The following SMAD5 variants were observed in gnomAD, a reference collection of about 807,000 sequenced individuals.
The protein encoded by SMAD5 is SMAD family member 5, also known as MAD, mothers against decapentaplegic homolog 5.
In SMAD5, 9 loss-of-function variants were observed where a neutral mutation model predicts 43.1. The observed-to-expected ratio is 0.21, with a 90% CI of 0.13 to 0.36. SMAD5 has a LOEUF of 0.36. Ranked by LOEUF, SMAD5 falls within the 10% of genes least tolerant of loss-of-function variation. The pLI is 1.00. For synonymous variants in SMAD5, 190 were observed against 192.4 expected (o/e 0.99, Z 0.10); for missense variants, 348 against 574.0 (o/e 0.61, Z 4.02).
In SMAD5 at chr5:136,150,161, T is replaced by C. The variant is rs867195866; in HGVS notation, c.-170+2255T>C. Among the ~76,000 whole-genome samples, 26 of 152,026 alleles carry C rather than the reference T, an allele frequency of 1.7e-4. 1 individual carries two copies. In the Middle Eastern group the frequency reaches 0.014, roughly 80 times the overall value. On this transcript the variant is annotated intron_variant, in intron 2 of 7. Transcript: ENST00000545279. ...TCTTTTCACTCTGTTGCAAACTTTT[T>C]TTTTTTAGCTCTTTGTGCAAAATCT...
At chr5:136,144,564 A>G (rs1370146953) in intron 1 of SMAD5, among the ~76,000 whole-genome samples, 1 of 151,450 alleles carries the variant, frequency 6.6e-6, no homozygotes, top group Non-Finnish European at 1.5e-5. Context: ...TTTTCTTAGG[A>G]ACTAAATATA....
At chr5:136,175,931 C>T (rs974440355) in intron 7 of SMAD5, among the ~76,000 whole-genome samples, 2 of 152,072 alleles carry the variant, frequency 1.3e-5, no homozygotes, top group Non-Finnish European at 2.9e-5. Context: ...AAGCAGTAAA[C>T]CAGAGAACCT....
chr5:136,146,041 A>T (rs1475362312), intron 1 of SMAD5, among the ~76,000 whole-genome samples: 1 of 151,770 alleles, frequency 6.6e-6, no homozygotes, highest in Non-Finnish European at 1.5e-5. Flanking sequence ...GGCACATTTC[A>T]GTTGTTCTAT....
At chr5:136,145,910 G>T (rs1320182019) in intron 1 of SMAD5, among the ~76,000 whole-genome samples, 1 of 151,852 alleles carries the variant, frequency 6.6e-6, no homozygotes, top group Non-Finnish European at 1.5e-5. Context: ...AAGCTTTTAT[G>T]CTTAAGATAA....
chr5:136,159,985 G>C (rs1211899802), intron 3 of SMAD5, among the ~76,000 whole-genome samples: 1 of 152,192 alleles, frequency 6.6e-6, no homozygotes, highest in East Asian at 1.9e-4. Context: ...AATGAGATGA[G>C]TTGTAAATGT....
rs545130486 is a variant in SMAD5, at chr5:136,163,217, G to C, written c.656-55G>C. 92 of 1,473,116 alleles carry C rather than the reference G, an allele frequency of 6.2e-5. No individual in the cohort carries two copies. The African/African-American group carries it at 1.3e-3, about 20-fold the overall frequency. 91.3% of individuals were successfully genotyped at this position (1,473,116 alleles called of 1,614,324 possible). Reference sequence around the variant, plus strand: ...TCTTAAGAATTTTCTAAAGCTTTTAGAGTAATAATTTTGAGCAGAATGAAG... The same window carrying C: ...TCTTAAGAATTTTCTAAAGCTTTTACAGTAATAATTTTGAGCAGAATGAAG... On this transcript the variant is annotated intron_variant, in intron 4 of 7. Transcript: ENST00000545279.
Position 136,179,892 on chromosome 5 carries a change from T to G in SMAD5, c.*2412T>G, listed in dbSNP as rs1754565921. ...AACTAGTGGAAATTAGAGAGTTGTTTTATTGGTGTTTTCTACTGTGAGTTA... is the reference window on the plus strand; with the variant it reads ...AACTAGTGGAAATTAGAGAGTTGTTGTATTGGTGTTTTCTACTGTGAGTTA... On this transcript the variant is annotated 3_prime_UTR_variant, in exon 8 of 8. Transcript: ENST00000545279. The G allele has an allele frequency of 1.3e-5, 2 of 152,334 alleles. No individual in the cohort carries two copies. The highest frequency in any genetic ancestry group is 1.3e-4 in the Admixed American group (2 of 15,306). The allele number at this position is 152,334 out of a possible 1,614,324, so 9.4% of individuals were successfully genotyped here.
At chr5:136,142,964 T>C (rs1052650178) in intron 1 of SMAD5, among the ~76,000 whole-genome samples, 8 of 152,148 alleles carry the variant, frequency 5.3e-5, no homozygotes, top group African/African-American at 1.9e-4. Context: ...CATACACTAG[T>C]GGGCACCCGG....
At chr5:136,157,737 G>A (rs1035225454) in intron 3 of SMAD5, among the ~76,000 whole-genome samples, 4 of 152,184 alleles carry the variant, frequency 2.6e-5, no homozygotes, top group African/African-American at 9.7e-5. Context: ...ATGGGGAGTG[G>A]CTGGAAATAC....
intron 3 of SMAD5, among the ~76,000 whole-genome samples, chr5:136,157,444 T>C (rs796903588): frequency 2.6e-5 from 4 of 152,284 alleles, no homozygotes; most frequent in African/African-American, 9.6e-5. Context: ...ATATTTATTG[T>C]GCACTTTATT....
chr5:136,139,403 C>G (rs550342647), intron 1 of SMAD5, among the ~76,000 whole-genome samples: 3 of 152,210 alleles, frequency 2.0e-5, no homozygotes, highest in Admixed American at 6.5e-5. Context: ...CTTTAGCTTT[C>G]TTATCTGCAT....
rs1229601942 is a variant in SMAD5 at position 136,160,999 on chromosome 5, A to G, written c.547A>G (p.Thr183Ala). The stretch of plus-strand genomic sequence containing the variant: ...AGATTCTTTCCACCAGCCCAACAAC[A>G]CTCCTTTTCCCTTATCTCCAAACAG... ...FPDSFHQPNN[T>A]PFPLSPNSPY... The change falls in exon 4 of 8, where the codon ACT (threonine) becomes GCT (alanine). Residue 183 changes from threonine (T) to alanine (A), a missense_variant. By Grantham distance (58) the Thr-to-Ala change is moderately conservative. Transcript: ENST00000545279. 1 of 1,612,168 alleles carries G rather than the reference A, an allele frequency of 6.2e-7. No individual in the cohort carries two copies. The highest frequency in any genetic ancestry group is 2.2e-5 in the East Asian group (1 of 44,808).
intron 1 of SMAD5, chr5:136,133,905 T>C (rs533552064): frequency 6.5e-6 from 1 of 154,588 alleles, no homozygotes; most frequent in East Asian, 1.9e-4. Context: ...CCCAACAGAA[T>C]GTTCCGGTTC....
intron 2 of SMAD5, among the ~76,000 whole-genome samples, chr5:136,151,303 A>G (rs1753451853): frequency 6.6e-6 from 1 of 151,944 alleles, no homozygotes; most frequent in South Asian, 2.1e-4. Context: ...GGGTCAGGGG[A>G]TAGAGAATGT....
In SMAD5 at chr5:136,180,834, A is replaced by G. The variant is rs1358284957; in HGVS notation, c.*3354A>G. On this transcript the variant is annotated 3_prime_UTR_variant, in exon 8 of 8. Transcript: ENST00000545279. ...AGGATGTAGCTATTTTATACCTTTC[A>G]TAACATTTGAGAGTAAGATATCCTT... The G allele has an allele frequency of 1.7e-4, 26 of 152,222 alleles. No homozygotes were observed. The allele number at this position is 152,222 out of a possible 1,614,324, so 9.4% of individuals were successfully genotyped here. A position where few individuals can be genotyped will look rare whatever the true frequency, so the allele number is the denominator to read the frequency against.
intron 1 of SMAD5, chr5:136,133,322 C>T (rs538056389): frequency 6.5e-6 from 1 of 152,716 alleles, no homozygotes; most frequent in African/African-American, 2.4e-5. Flanking sequence ...TTTCCTAACT[C>T]ATCGGATGTA....
rs1404805571 is a variant in SMAD5 at position 136,177,357 on chromosome 5, C to T, written c.1275C>T (p.His425=). 6 of 1,613,624 alleles carry T rather than the reference C, an allele frequency of 3.7e-6. No homozygotes were observed. Among genetic ancestry groups the T allele is most frequent in the East Asian group, 2.2e-5 (1 of 44,856 alleles). ...SFVKGWGAEY[H]RQDVTSTPCW... is the part of the protein sequence containing the mutation. ...CATAGGGTTGGGGAGCAGAATATCA[C>T]CGGCAGGATGTAACCAGCACCCCAT... The change falls in exon 8 of 8, where the codon CAC becomes CAT. Residue 425 remains histidine, a synonymous_variant. Transcript: ENST00000545279.
At position 136,163,338 on chromosome 5, in the gene SMAD5, T is replaced by C. The variant is rs757099334; in HGVS notation, c.722T>C (p.Met241Thr). Residue 241 changes from methionine (M) to threonine (T), a missense_variant, in exon 5 of 8, where the codon ATG becomes ACG. This residue lies in a region of SMAD5 where 185 missense variants were observed against 207.0 expected (regional missense o/e 0.89). Transcript: ENST00000545279. The stretch of plus-strand genomic sequence containing the variant: ...ATGGGTCAAGATAATTCCCAGCCTA[T>C]GGATACAAGCAATAATATGATTCCT... ...DQMGQDNSQPMDTSNNMIPQI... is the reference protein window; with the variant it reads ...DQMGQDNSQPTDTSNNMIPQI... 3 of 1,611,646 alleles carry C rather than the reference T, an allele frequency of 1.9e-6. No individual in the cohort carries two copies. Among genetic ancestry groups the C allele is most frequent in the African/African-American group, 2.7e-5 (2 of 74,864 alleles).
chr5:136,149,793 C>CA (rs1012092901), intron 2 of SMAD5, among the ~76,000 whole-genome samples: 3 of 151,828 alleles, frequency 2.0e-5, no homozygotes, highest in Non-Finnish European at 4.4e-5. Context: ...ATAATTTCAT[C>CA]AAAAGTGCTA....
Sources: allele counts gnomAD v4.1 joint callset (sites outside exome capture counted in the v4.1 genomes callset), GRCh38; gene constraint gnomAD v4.1.1; regional missense constraint gnomAD v4.1.1; transcripts MANE v1.5; gene names NCBI Gene and HGNC (gene_info 2026-07-23, HGNC 2026-07-21).